The following AK9 variants were observed in gnomAD, a reference collection of about 807,000 sequenced individuals.
AK9 encodes adenylate kinase 9, also known as adenylate kinase domain containing 1.
Under a neutral mutation model 239.6 loss-of-function variants are expected in AK9, and 191 were observed. The observed-to-expected ratio is 0.80, with a 90% CI of 0.71 to 0.90. The LOEUF (loss-of-function observed/expected upper bound fraction) is 0.90. Ranked by LOEUF, AK9 falls within the 40% of genes least tolerant of loss-of-function variation. AK9 has a pLI of 0.00. For synonymous variants in AK9, 689 were observed against 721.0 expected (o/e 0.96, Z 0.71); for missense variants, 1,995 against 2,214.7 (o/e 0.90, Z 1.99).
At chr6:109,497,358 A>ACACACC in intron 38 of AK9, 107 bp downstream of exon 38, 1 of 578,288 alleles carries the variant, frequency 1.7e-6, no homozygotes. Context: ...ACACACACAC[A>ACACACC]CACACTCTCT....
At chr6:109,633,346 T>G in intron 10 of AK9, 23 bp from the exon 11 acceptor site, 1 of 1,581,296 alleles carries the variant, frequency 6.3e-7, no homozygotes, top group Non-Finnish European at 8.5e-7. Flanking sequence ...AATACTACAT[T>G]AAAAATATGG....
intron 21 of AK9, among the ~76,000 whole-genome samples, chr6:109,565,592 T>G (rs991715085): frequency 6.6e-6 from 1 of 152,150 alleles, no homozygotes; most frequent in Non-Finnish European, 1.5e-5. Flanking sequence ...TTTAAGAGAC[T>G]CTCAACTAAT....
rs1184540318 is a variant in AK9, at chr6:109,516,035, T to C, written c.3887A>G (p.Asn1296Ser). 11 of 1,550,870 alleles carry C rather than the reference T, an allele frequency of 7.1e-6. No homozygotes were observed. The highest frequency in any genetic ancestry group is 9.6e-6 in the Non-Finnish European group (11 of 1,146,306). Residue 1296 changes from asparagine to serine, a missense_variant, in exon 31 of 41, where the codon AAT becomes AGT. Physicochemically the swap from Asn to Ser is conservative, Grantham distance 46 (BLOSUM62 1). This residue lies in a region of AK9 where 1,290 missense variants were observed against 1,392.7 expected (regional missense o/e 0.93). Coordinates refer to ENST00000424296, the MANE Select transcript of AK9 (RefSeq NM_001145128.3). ...TACAATGTGATTTCTCCGAGCTCCA[T>C]TAATGGAAATTATTGGTATCAAATA... The part of the protein sequence containing the change: ...ERYLIPIISI[N>S]GARRNHIVQY...
intron 27 of AK9, among the ~76,000 whole-genome samples, chr6:109,539,669 G>A (rs1490846991): frequency 1.3e-5 from 2 of 152,208 alleles, no homozygotes; most frequent in African/African-American, 4.8e-5. Flanking sequence ...TTTGGAGGAG[G>A]AGAGGCGCTC....
At chr6:109,558,337 T>C (rs1785277278) in intron 24 of AK9, among the ~76,000 whole-genome samples, 1 of 152,164 alleles carries the variant, frequency 6.6e-6, no homozygotes, top group Non-Finnish European at 1.5e-5. Flanking sequence ...GATTCTCTCT[T>C]ATGTTTCTTC....
chr6:109,587,136 A>G (rs1382846571), intron 17 of AK9, among the ~76,000 whole-genome samples: 2 of 152,180 alleles, frequency 1.3e-5, no homozygotes, highest in African/African-American at 4.8e-5. Context: ...CTGAATAAGC[A>G]GTCTTTTAAA....
chr6:109,547,102 G>A (rs2128157940), intron 25 of AK9, among the ~76,000 whole-genome samples: 1 of 152,204 alleles, frequency 6.6e-6, no homozygotes, highest in South Asian at 2.1e-4. Flanking sequence ...AGGGTAAGTG[G>A]CCACAGTCCT....
rs766929867 is a variant in AK9, at chr6:109,545,848, CA to C, written c.3225+18del. 1.9e-6 allele frequency: 3 copies of C among 1,576,124 alleles called. No homozygotes were observed. The highest frequency in any genetic ancestry group is 2.2e-5 in the East Asian group (1 of 44,602). On this transcript the variant is annotated intron_variant, in intron 26 of 40. Coordinates refer to ENST00000424296, the MANE Select transcript of AK9 (RefSeq NM_001145128.3). ...CAGCAAAAACAAAACAAACAAAAAA[CA>C]AAAAAAGAGATTACTACCTGCTTTT...
intron 3 of AK9, among the ~76,000 whole-genome samples, chr6:109,672,969 G>A (rs539274581): frequency 6.6e-6 from 1 of 152,316 alleles, no homozygotes; most frequent in African/African-American, 2.4e-5. Context: ...GGTAAACACT[G>A]ATTAGAAAGA....
chr6:109,497,360 A>ACCCTCTCTCT, intron 38 of AK9, 105 bp downstream of exon 38: 1 of 552,778 alleles, frequency 1.8e-6, no homozygotes, highest in Non-Finnish European at 3.1e-6. Context: ...ACACACACAC[A>ACCCTCTCTCT]CACTCTCTCT....
intron 12 of AK9, among the ~76,000 whole-genome samples, chr6:109,630,923 C>A (rs147948175): frequency 2.7e-3 from 408 of 151,976 alleles, no homozygotes; most frequent in Non-Finnish European, 3.8e-3. Flanking sequence ...TGATATAAGA[C>A]AAAGGGGACA....
intron 33 of AK9, 54 bp downstream of exon 33, chr6:109,509,125 G>A (rs1778416282): frequency 6.7e-7 from 1 of 1,492,570 alleles, no homozygotes; most frequent in Non-Finnish European, 9.0e-7. Flanking sequence ...CGAGCGAGCA[G>A]TTTCTTGAAA....
At chr6:109,539,689 G>T (rs531986811) in intron 27 of AK9, among the ~76,000 whole-genome samples, 32 of 152,290 alleles carry the variant, frequency 2.1e-4, no homozygotes, top group Admixed American at 8.5e-4. Flanking sequence ...CTGATTTTTA[G>T]AATTTTCAGC....
chr6:109,660,666 C>G (rs1198001517), intron 6 of AK9, among the ~76,000 whole-genome samples: 2 of 152,190 alleles, frequency 1.3e-5, no homozygotes, highest in African/African-American at 2.4e-5. Flanking sequence ...CAAGGACTAT[C>G]TCCTTCAGCT....
At chr6:109,546,268 A>T in intron 25 of AK9, 141 bp from the exon 26 acceptor site, 2 of 696,780 alleles carry the variant, frequency 2.9e-6, no homozygotes, top group African/African-American at 1.8e-5. Flanking sequence ...GAACTCAAGG[A>T]TGCTTAGATA....
In AK9 at chr6:109,573,538, C is replaced by G; in HGVS notation, c.2248G>C (p.Val750Leu). 1 of 1,551,244 alleles carries G rather than the reference C, an allele frequency of 6.4e-7. No homozygotes were observed. Among genetic ancestry groups the G allele is most frequent in the Non-Finnish European group, 8.7e-7 (1 of 1,146,698 alleles). Reference sequence around the variant, plus strand: ...TGAGATGCCTCAGGCTCTTCGTGAACTTCCAACTCATCACCTTCAATCTCC... The same window carrying G: ...TGAGATGCCTCAGGCTCTTCGTGAAGTTCCAACTCATCACCTTCAATCTCC... ...EEEIEGDELE[V>L]HEEPEASHDT... Residue 750 changes from valine to leucine, a missense_variant, in exon 21 of 41, where the codon GTT (valine) becomes CTT (leucine). This residue lies in a region of AK9 where 1,290 missense variants were observed against 1,392.7 expected (regional missense o/e 0.93). Transcript: ENST00000424296.
At chr6:109,629,098 G>T (rs1010196737) in intron 12 of AK9, among the ~76,000 whole-genome samples, 10 of 152,150 alleles carry the variant, frequency 6.6e-5, no homozygotes, top group African/African-American at 1.7e-4. Flanking sequence ...AATTTTTCAT[G>T]ATTTTATTTT....
At chr6:109,672,952 T>C (rs1771156345) in intron 3 of AK9, among the ~76,000 whole-genome samples, 1 of 152,160 alleles carries the variant, frequency 6.6e-6, no homozygotes, top group Non-Finnish European at 1.5e-5. Context: ...CAAGAAATGT[T>C]AAAATGGGTA....
At position 109,643,945 on chromosome 6, in the gene AK9, C is replaced by G. The variant is rs541114230; in HGVS notation, c.834+669G>C. On this transcript the variant is annotated intron_variant, in intron 9 of 40. Transcript: ENST00000424296. The stretch of plus-strand genomic sequence containing the variant: ...AGTTTCAGACTGGTGGTCCTCCTTA[C>G]CAGACTAGGTTTTGTCTTTATGCTA... Among the ~76,000 whole-genome samples, 8 of 152,286 alleles carry G rather than the reference C, an allele frequency of 5.3e-5. No homozygotes were observed. In the East Asian group the frequency reaches 5.8e-4, roughly 11 times the overall value.
Sources: gnomAD v4.1 joint callset for allele counts (sites outside exome capture counted in the v4.1 genomes callset) on GRCh38, gnomAD v4.1.1 for gene constraint, gnomAD v4.1.1 regional missense constraint, MANE v1.5 for transcripts, NCBI Gene and HGNC (gene_info 2026-07-23, HGNC 2026-07-21) for gene names.